The following MCRIP1 variants were observed in gnomAD, a reference collection of about 807,000 sequenced individuals.
MCRIP1 encodes the protein mapk-regulated corepressor-interacting protein 1.
A neutral mutation model predicts 14.4 loss-of-function variants in MCRIP1; 10 were observed. The observed-to-expected ratio is 0.70, with a 90% CI of 0.43 to 1.18. The LOEUF is 1.18. Ranked by LOEUF, MCRIP1 falls within the 50% of genes most tolerant of loss-of-function variation. The probability of loss-of-function intolerance (pLI) is 0.00; values close to 1 mark genes in which losing one functional copy is unlikely to be tolerated. For synonymous variants in MCRIP1, 53 were observed against 55.7 expected, an observed-to-expected ratio of 0.95 and a Z score of 0.21; for missense variants, 119 against 135.4, an observed-to-expected ratio of 0.88 and a Z score of 0.60.
chr17:81,826,197 C>A, intron 1 of MCRIP1: 6 of 1,514,010 alleles, frequency 4.0e-6, no homozygotes, highest in Non-Finnish European at 5.3e-6. Flanking sequence ...CAAGCAACTA[C>A]CCTTCCGGGG....
intron 1 of MCRIP1, chr17:81,825,906 G>C (rs1425104465): frequency 1.5e-6 from 2 of 1,292,772 alleles, no homozygotes; most frequent in South Asian, 2.5e-5. Flanking sequence ...GGGACATGCT[G>C]CCTGCTGGGA....
Position 81,824,508 on chromosome 17 carries a change from G to A in MCRIP1, c.-2C>T, listed in dbSNP as rs969796296. 14 of 1,536,070 alleles carry A rather than the reference G, an allele frequency of 9.1e-6. 1 individual carries two copies. The highest frequency in any genetic ancestry group is 2.7e-5 in the African/African-American group (2 of 73,052). On this transcript the variant is annotated 5_prime_UTR_variant, in exon 2 of 5. Transcript: ENST00000455127. ...CCTGCCTGAGACCCACCTGGTCATC[G>A]CGGGGGCGTCTGATCCTAGCGCTCC...
At chr17:81,824,815 G>C in intron 1 of MCRIP1, 1 of 1,362,088 alleles carries the variant, frequency 7.3e-7, no homozygotes, top group Non-Finnish European at 9.4e-7. Flanking sequence ...CCGCTCAGCG[G>C]CCTTGATCCT....
chr17:81,826,433 G>A, intron 1 of MCRIP1: 1 of 1,503,766 alleles, frequency 6.6e-7, no homozygotes, highest in Non-Finnish European at 8.9e-7. Context: ...TGGGGTGGGA[G>A]GACTGCTTGA....
chr17:81,826,693 C>CG, intron 1 of MCRIP1: 1 of 354,614 alleles, frequency 2.8e-6, no homozygotes, highest in South Asian at 3.7e-5. Context: ...GTGGCAGGCA[C>CG]CCGTAATCCC....
intron 1 of MCRIP1, chr17:81,824,887 C>A: frequency 8.3e-7 from 1 of 1,206,234 alleles, no homozygotes; most frequent in Non-Finnish European, 1.0e-6. Flanking sequence ...GTGGCCAGAG[C>A]CCCTCCCCAC....
At chr17:81,826,120 T>C (rs2038389108) in intron 1 of MCRIP1, 2 of 1,481,566 alleles carry the variant, frequency 1.3e-6, no homozygotes, top group South Asian at 1.3e-5. Context: ...ACCTTTGGCC[T>C]GGGATCCCCC....
In MCRIP1 at chr17:81,829,425, T is replaced by C. The variant is rs1238634474; in HGVS notation, c.-49+3813A>G. Among the ~76,000 whole-genome samples the C allele has an allele frequency of 2.0e-5, 3 of 152,218 alleles. No homozygotes were observed. In the East Asian group the frequency reaches 5.8e-4, roughly 29 times the overall value. On this transcript the variant is annotated intron_variant, in intron 1 of 4. Coordinates refer to ENST00000455127, the MANE Select transcript of MCRIP1 (RefSeq NM_207368.5). ...GCCTCGGTCCCGTTTTCCTTCCCTC[T>C]TTCTGTCAGAATCAAGACCGAGCAT...
intron 1 of MCRIP1, among the ~76,000 whole-genome samples, chr17:81,827,353 G>C (rs955022165): frequency 6.6e-6 from 1 of 150,868 alleles, no homozygotes; most frequent in Non-Finnish European, 1.5e-5. Flanking sequence ...CTCACTGCAA[G>C]CTCCGCCTCC....
intron 1 of MCRIP1, chr17:81,825,862 G>A: frequency 7.8e-7 from 1 of 1,290,042 alleles, no homozygotes; most frequent in Non-Finnish European, 1.0e-6. Context: ...CCAGAGCACG[G>A]AGGGAAAGGC....
chr17:81,822,936 G>C lies in MCRIP1; in HGVS notation c.*311C>G, dbSNP rs781614867. 2.2e-5 allele frequency: 12 copies of C among 540,814 alleles called. No homozygotes were observed. In the African/African-American group the frequency reaches 2.3e-4, roughly 10 times the overall value. 33.5% of individuals were successfully genotyped at this position (540,814 alleles called of 1,614,324 possible). ...CAGTGGCCAGGGGCAGGAGGGTGAG[G>C]GGAGAGGAGAGAGGTCAGGTCAGGG... On this transcript the variant is annotated 3_prime_UTR_variant, in exon 5 of 5. Coordinates refer to ENST00000455127, the MANE Select transcript of MCRIP1 (RefSeq NM_207368.5).
Position 81,823,531 on chromosome 17 carries a change from GGT to G in MCRIP1, c.128-20_128-19del. On this transcript the variant is annotated intron_variant, in intron 3 of 4. Coordinates refer to ENST00000455127, the MANE Select transcript of MCRIP1 (RefSeq NM_207368.5). This position sits in a 1 kb window ranked among gnomAD's most constrained non-coding sequence, Gnocchi z 6.0. ...CTGCCAGGCTGCAGAGGCAGAGAGT[GGT>G]GTGCTCAGGGCCCCCTGCCCCAGGG... is the stretch of plus-strand genomic sequence containing the variant. The G allele has an allele frequency of 1.3e-6, 2 of 1,533,640 alleles. No individual in the cohort carries two copies. Among genetic ancestry groups the G allele is most frequent in the Non-Finnish European group, 1.7e-6 (2 of 1,144,968 alleles).
At chr17:81,828,543 T>C (rs148510214) in intron 1 of MCRIP1, among the ~76,000 whole-genome samples, 16 of 152,016 alleles carry the variant, frequency 1.1e-4, no homozygotes, top group Admixed American at 2.0e-4. Flanking sequence ...AGCTGGAGAA[T>C]TTCACTCGTA....
In MCRIP1 at chr17:81,823,029, G is replaced by A; in HGVS notation, c.*218C>T. The stretch of plus-strand genomic sequence containing the variant: ...GGGGGAGGGCAGGAGGGTGGGCAGG[G>A]CCCAGACCCCCATGATGGGGGCAGC... On this transcript the variant is annotated 3_prime_UTR_variant, in exon 5 of 5. Coordinates refer to ENST00000455127, the MANE Select transcript of MCRIP1 (RefSeq NM_207368.5). This position sits in a 1 kb window ranked among gnomAD's most constrained non-coding sequence, Gnocchi z 6.0. 1 of 611,694 alleles carries A rather than the reference G, an allele frequency of 1.6e-6. No individual in the cohort carries two copies. Among genetic ancestry groups the A allele is most frequent in the South Asian group, 1.9e-5 (1 of 51,352 alleles). The allele number at this position is 611,694 out of a possible 1,614,324, so 37.9% of individuals were successfully genotyped here. A position where few individuals can be genotyped will look rare whatever the true frequency, so the allele number is the denominator to read the frequency against.
At chr17:81,828,077 G>A (rs376391446) in intron 1 of MCRIP1, among the ~76,000 whole-genome samples, 1 of 151,970 alleles carries the variant, frequency 6.6e-6, no homozygotes, top group Non-Finnish European at 1.5e-5. Flanking sequence ...ACCACACCCA[G>A]CTGCACCCAT....
In MCRIP1 at chr17:81,826,327, C is replaced by T. The variant is rs146722133; in HGVS notation, c.-48-1773G>A. The stretch of plus-strand genomic sequence containing the variant: ...CATGCATACAACCGCCCGCACACAC[C>T]TGTCTGTACACACCTGCCCACACAC... On this transcript the variant is annotated intron_variant, in intron 1 of 4. Transcript: ENST00000455127. 9 of 1,535,474 alleles carry T rather than the reference C, an allele frequency of 5.9e-6. No individual in the cohort carries two copies. The East Asian group carries it at 2.2e-4, about 38-fold the overall frequency.
intron 1 of MCRIP1, 157 bp from the exon 2 acceptor site, chr17:81,824,711 G>T (rs923053773): frequency 6.9e-7 from 1 of 1,450,860 alleles, no homozygotes; most frequent in East Asian, 2.5e-5. Context: ...CTGGGGTCCA[G>T]CCACAGGCAG....
intron 1 of MCRIP1, chr17:81,825,692 G>C (rs1012498501): frequency 7.8e-7 from 1 of 1,289,262 alleles, no homozygotes; most frequent in Non-Finnish European, 1.0e-6. Flanking sequence ...CCCAGCCCTG[G>C]AACTCTGTGC....
chr17:81,828,916 C>T (rs1403866604), intron 1 of MCRIP1, among the ~76,000 whole-genome samples: 1 of 152,202 alleles, frequency 6.6e-6, no homozygotes, highest in Non-Finnish European at 1.5e-5. Context: ...AGGCACACAG[C>T]TGAGGGGGGA....
Sources: gnomAD v4.1 joint callset for allele counts (sites outside exome capture counted in the v4.1 genomes callset) on GRCh38, gnomAD v4.1.1 for gene constraint, Gnocchi (gnomAD v3.1) non-coding constraint, MANE v1.5 for transcripts, NCBI Gene and HGNC (gene_info 2026-07-23, HGNC 2026-07-21) for gene names.